ARF1: variants seen among roughly 807,000 people sequenced by gnomAD.
The protein encoded by ARF1 is ADP-ribosylation factor 1.
A neutral mutation model predicts 18.0 loss-of-function variants in ARF1; 1 was observed. That is an observed-to-expected ratio of 0.06 (90% CI 0.02 to 0.26). The LOEUF (loss-of-function observed/expected upper bound fraction) is 0.26, where lower values mean the gene tolerates loss of function less well. ARF1 is among the 10% of genes least tolerant of loss of function. ARF1 has a pLI of 1.00. For synonymous variants in ARF1, 112 were observed against 96.3 expected (o/e 1.16, Z -0.95); for missense variants, 73 against 247.2 (o/e 0.30, Z 4.73).
intron 1 of ARF1, among the ~76,000 whole-genome samples, chr1:228,084,468 A>T (rs185058639): frequency 6.6e-6 from 1 of 152,328 alleles, no homozygotes; most frequent in Admixed American, 6.5e-5. Flanking sequence ...TTGCTAGTTG[A>T]AAAAGATTTG....
At chr1:228,092,394 G>A (rs1342625585) in intron 1 of ARF1, among the ~76,000 whole-genome samples, 2 of 152,208 alleles carry the variant, frequency 1.3e-5, no homozygotes, top group Non-Finnish European at 2.9e-5. Context: ...GCTGCAATGG[G>A]CTGTGATCGA....
At position 228,089,858 on chromosome 1, in the gene ARF1, G is replaced by A. The variant is rs1271786031; in HGVS notation, c.-38+7093G>A. Among the ~76,000 whole-genome samples, 1 of 152,208 alleles carries A rather than the reference G, an allele frequency of 6.6e-6. No individual in the cohort carries two copies. The highest frequency in any genetic ancestry group is 1.5e-5 in the Non-Finnish European group (1 of 68,052). On this transcript the variant is annotated intron_variant, in intron 1 of 4. Transcript: ENST00000272102. The surrounding 1 kb of genome is among the most constrained non-coding windows in gnomAD (Gnocchi z 4.1). ...GAACAGTGCCTGGCAGTAGCTCAGTGCCCAGCATGTCTGTGGTGAGTGTGT... is the reference window on the plus strand; with the variant it reads ...GAACAGTGCCTGGCAGTAGCTCAGTACCCAGCATGTCTGTGGTGAGTGTGT...
rs1371253660 is a variant in ARF1 at position 228,098,731 on chromosome 1, C to T, written c.*718C>T. ...CCACTATGCCGCAGGCCGCCCTACC[C>T]ACCTTCAGGCAGCCTATGGGACGCA... On this transcript the variant is annotated 3_prime_UTR_variant, in exon 5 of 5. Transcript: ENST00000272102. 1 of 152,742 alleles carries T rather than the reference C, an allele frequency of 6.5e-6. No individual in the cohort carries two copies. Among genetic ancestry groups the T allele is most frequent in the Admixed American group, 6.5e-5 (1 of 15,290 alleles). 9.5% of individuals were successfully genotyped at this position (152,742 alleles called of 1,614,324 possible). A position where few individuals can be genotyped will look rare whatever the true frequency, so the allele number is the denominator to read the frequency against.
intron 1 of ARF1, chr1:228,083,543 A>G (rs2032291416): frequency 6.6e-6 from 1 of 152,284 alleles, no homozygotes; most frequent in Admixed American, 6.5e-5. Flanking sequence ...TGGCCTCCAG[A>G]GGGCCGGTCG....
chr1:228,095,779 T>C (rs1481331877), intron 1 of ARF1, among the ~76,000 whole-genome samples: 1 of 152,210 alleles, frequency 6.6e-6, no homozygotes, highest in African/African-American at 2.4e-5. Context: ...TTGGTAGTGG[T>C]TGCAGGAGTG....
At chr1:228,092,768 C>T (rs2032614219) in intron 1 of ARF1, among the ~76,000 whole-genome samples, 1 of 152,162 alleles carries the variant, frequency 6.6e-6, no homozygotes, top group Non-Finnish European at 1.5e-5. Flanking sequence ...GGTCTGGGTA[C>T]AGGCCACAGA....
chr1:228,099,057 A>G lies in ARF1; in HGVS notation c.*1044A>G, dbSNP rs1304496677. On this transcript the variant is annotated 3_prime_UTR_variant, in exon 5 of 5. Coordinates refer to ENST00000272102, the MANE Select transcript of ARF1 (RefSeq NM_001658.4). ...TGGAGCTGTTAAATTTATCTTGGGGAAACCTCAGAACTGGTCTATTTGGTG... is the reference window on the plus strand; with the variant it reads ...TGGAGCTGTTAAATTTATCTTGGGGGAACCTCAGAACTGGTCTATTTGGTG... 6.6e-6 allele frequency: 1 copy of G among 152,652 alleles called. No individual in the cohort carries two copies. Among genetic ancestry groups the G allele is most frequent in the Non-Finnish European group, 1.5e-5 (1 of 68,032 alleles). The allele number at this position is 152,652 out of a possible 1,614,324, so 9.5% of individuals were successfully genotyped here. A position where few individuals can be genotyped will look rare whatever the true frequency, so the allele number is the denominator to read the frequency against.
Position 228,089,225 on chromosome 1 carries a change from C to T in ARF1, c.-38+6460C>T, listed in dbSNP as rs551132235. ...GGCCACCATCACCTGGAGAGCAGGG[C>T]AGATGCCAGCGTGTGTGTGAGAACT... On this transcript the variant is annotated intron_variant, in intron 1 of 4. Coordinates refer to ENST00000272102, the MANE Select transcript of ARF1 (RefSeq NM_001658.4). This position sits in a 1 kb window ranked among gnomAD's most constrained non-coding sequence, Gnocchi z 4.1. 2.6e-5 allele frequency among the ~76,000 whole-genome samples: 4 copies of T among 152,166 alleles called. No individual in the cohort carries two copies. In the East Asian group the frequency reaches 5.8e-4, roughly 22 times the overall value.
chr1:228,085,412 TGACA>T (rs2032362269), intron 1 of ARF1, among the ~76,000 whole-genome samples: 1 of 152,284 alleles, frequency 6.6e-6, no homozygotes, highest in African/African-American at 2.4e-5. Flanking sequence ...GTTAGCGACT[TGACA>T]GACATGTCCT....
At chr1:228,095,085 T>G (rs1276660096) in intron 1 of ARF1, among the ~76,000 whole-genome samples, 1 of 152,222 alleles carries the variant, frequency 6.6e-6, no homozygotes, top group African/African-American at 2.4e-5. Flanking sequence ...TTTGTTTTTG[T>G]TCTGCCTTCT....
rs960195916 is a variant in ARF1 at position 228,089,757 on chromosome 1, T to C, written c.-38+6992T>C. ...TGCTGTTCCAGTTCCCCTTTTTTTT[T>C]TCAAGTGGTGTAGAAAGGGGCCTTC... On this transcript the variant is annotated intron_variant, in intron 1 of 4. Coordinates refer to ENST00000272102, the MANE Select transcript of ARF1 (RefSeq NM_001658.4). This position sits in a 1 kb window ranked among gnomAD's most constrained non-coding sequence, Gnocchi z 4.1. 6.6e-6 allele frequency among the ~76,000 whole-genome samples: 1 copy of C among 152,146 alleles called. No individual in the cohort carries two copies. The highest frequency in any genetic ancestry group is 6.5e-5 in the Admixed American group (1 of 15,282).
intron 1 of ARF1, among the ~76,000 whole-genome samples, chr1:228,090,201 G>T (rs2032534403): frequency 1.3e-5 from 2 of 152,222 alleles, no homozygotes; most frequent in African/African-American, 4.8e-5. Context: ...AAGGGCCCAG[G>T]CCCCTGGGAG....
chr1:228,095,749 G>A (rs2032724513), intron 1 of ARF1, among the ~76,000 whole-genome samples: 1 of 152,146 alleles, frequency 6.6e-6, no homozygotes, highest in African/African-American at 2.4e-5. Flanking sequence ...CAAGGCGTGT[G>A]TGTCATTTTG....
chr1:228,093,375 A>C (rs184154397), intron 1 of ARF1, among the ~76,000 whole-genome samples: 93 of 152,276 alleles, frequency 6.1e-4, no homozygotes, highest in Admixed American at 1.6e-3. Flanking sequence ...TCACAGAAGC[A>C]GTAAATGATG....
At chr1:228,091,086 G>C (rs1286487400) in intron 1 of ARF1, 1 of 152,198 alleles carries the variant, frequency 6.6e-6, no homozygotes, top group African/African-American at 2.4e-5. Flanking sequence ...TGGTTCTTTG[G>C]TGTTTACATT....
At chr1:228,088,953 C>T (rs2032487422) in intron 1 of ARF1, among the ~76,000 whole-genome samples, 3 of 152,126 alleles carry the variant, frequency 2.0e-5, no homozygotes, top group South Asian at 2.1e-4. Context: ...CCTGATCGGG[C>T]GGCAGCCGTG....
rs955094573 is a variant in ARF1, at chr1:228,086,668, C to T, written c.-38+3903C>T. Among the ~76,000 whole-genome samples, 7 of 152,190 alleles carry T rather than the reference C, an allele frequency of 4.6e-5. No individual in the cohort carries two copies. The East Asian group carries it at 1.2e-3, about 25-fold the overall frequency. ...CACAGCCAGGAGGGAAAGGTAGCGC[C>T]GTGTCTCTTCCCTCATACACCGCCC... On this transcript the variant is annotated intron_variant, in intron 1 of 4. Transcript: ENST00000272102.
At chr1:228,083,574 G>C (rs1035183221) in intron 1 of ARF1, 7 of 152,312 alleles carry the variant, frequency 4.6e-5, no homozygotes, top group African/African-American at 1.7e-4. Flanking sequence ...TAACTCCAGG[G>C]TGGTTTCCTT....
Position 228,097,125 on chromosome 1 carries a change from T to C in ARF1, c.11T>C (p.Ile4Thr). 3 of 1,604,132 alleles carry C rather than the reference T, an allele frequency of 1.9e-6. No homozygotes were observed. The highest frequency in any genetic ancestry group is 2.6e-6 in the Non-Finnish European group (3 of 1,174,912). Residue 4 changes from isoleucine (I) to threonine (T), a missense_variant, in exon 2 of 5, where the codon ATC becomes ACC. Ile to Thr is a moderately conservative substitution (Grantham distance 89). This residue lies in a region of ARF1 where 13 missense variants were observed against 17.2 expected (regional missense o/e 0.75). Transcript: ENST00000272102. This position sits in a 1 kb window ranked among gnomAD's most constrained non-coding sequence, Gnocchi z 8.1. MGNIFANLFKGLFG... is the reference protein window; with the variant it reads MGNTFANLFKGLFG... ...CACCTGTCCACAAGCATGGGGAACA[T>C]CTTCGCCAACCTCTTCAAGGGCCTT...
Sources: gnomAD v4.1 joint callset for allele counts (sites outside exome capture counted in the v4.1 genomes callset) on GRCh38, gnomAD v4.1.1 for gene constraint, gnomAD v4.1.1 regional missense constraint, Gnocchi (gnomAD v3.1) non-coding constraint, MANE v1.5 for transcripts, NCBI Gene and HGNC (gene_info 2026-07-23, HGNC 2026-07-21) for gene names.